Variants in MACROD2 observed in about 807,000 individuals in gnomAD.
The protein encoded by MACROD2 is mono-ADP ribosylhydrolase 2, also known as ADP-ribose glycohydrolase MACROD2.
Under a neutral mutation model 70.4 loss-of-function variants are expected in MACROD2, and 36 were observed. The observed-to-expected ratio is 0.51, with a 90% CI of 0.39 to 0.68. The LOEUF (loss-of-function observed/expected upper bound fraction) is 0.68. Ranked by LOEUF, MACROD2 falls within the 30% of genes least tolerant of loss-of-function variation. The pLI is 0.00. For missense variants in MACROD2, 496 were observed against 538.4 expected (o/e 0.92, Z 0.78); for synonymous variants, 172 against 178.8 (o/e 0.96, Z 0.30).
intron 5 of MACROD2, among the ~76,000 whole-genome samples, chr20:15,091,657 A>G (rs2075794079): frequency 6.6e-6 from 1 of 152,124 alleles, no homozygotes; most frequent in African/African-American, 2.4e-5. Context: ...TTACCACAGT[A>G]GTTGTTTTTG....
chr20:14,569,371 A>G (rs1372649502), intron 4 of MACROD2, among the ~76,000 whole-genome samples: 1 of 152,072 alleles, frequency 6.6e-6, no homozygotes, highest in East Asian at 1.9e-4. Context: ...TGCTTTCACA[A>G]ATACATTGGC....
intron 10 of MACROD2, among the ~76,000 whole-genome samples, chr20:15,894,278 C>A (rs2064936359): frequency 6.6e-6 from 1 of 152,176 alleles, no homozygotes; most frequent in Non-Finnish European, 1.5e-5. Flanking sequence ...GAAGCCAAAG[C>A]TGAAAGAAAG....
chr20:14,810,447 A>G (rs1209662296), intron 5 of MACROD2, among the ~76,000 whole-genome samples: 3 of 152,142 alleles, frequency 2.0e-5, no homozygotes, highest in Non-Finnish European at 4.4e-5. Context: ...TCTCAAAATA[A>G]TAAGAGCTAT....
intron 5 of MACROD2, among the ~76,000 whole-genome samples, chr20:14,826,738 C>A (rs1017604326): frequency 6.6e-6 from 1 of 152,088 alleles, no homozygotes; most frequent in African/African-American, 2.4e-5. Context: ...ATTCACTGTA[C>A]CCTCCAGTCG....
At chr20:15,595,265 T>A (rs2048731581) in intron 8 of MACROD2, among the ~76,000 whole-genome samples, 1 of 152,246 alleles carries the variant, frequency 6.6e-6, no homozygotes, top group South Asian at 2.1e-4. Context: ...ATGGTAAATT[T>A]ATGTTACGTA....
intron 3 of MACROD2, among the ~76,000 whole-genome samples, chr20:14,424,018 T>A (rs1247007263): frequency 1.3e-5 from 2 of 151,992 alleles, no homozygotes; most frequent in African/African-American, 2.4e-5. Context: ...CGCCTCAGCC[T>A]CCCAGACTGC....
intron 7 of MACROD2, among the ~76,000 whole-genome samples, chr20:15,452,297 T>A (rs2146395708): frequency 6.6e-6 from 1 of 152,202 alleles, no homozygotes; most frequent in East Asian, 1.9e-4. Context: ...TTTTAACAAG[T>A]GTGTCACAGC....
intron 8 of MACROD2, among the ~76,000 whole-genome samples, chr20:15,699,863 C>T (rs1408936782): frequency 2.0e-5 from 3 of 152,128 alleles, no homozygotes; most frequent in Admixed American, 1.3e-4. Context: ...GCCATCCTTC[C>T]AATGGATCCT....
intron 8 of MACROD2, among the ~76,000 whole-genome samples, chr20:15,829,087 C>G (rs937462459): frequency 6.6e-6 from 1 of 151,426 alleles, no homozygotes; most frequent in Admixed American, 6.6e-5. Context: ...GTAGATTGTT[C>G]TGGTATTTAT....
At chr20:14,524,582 C>T (rs758983234) in intron 4 of MACROD2, among the ~76,000 whole-genome samples, 1 of 152,098 alleles carries the variant, frequency 6.6e-6, no homozygotes, top group Non-Finnish European at 1.5e-5. Context: ...AAAGGAAGGA[C>T]AGGATAAAGG....
chr20:14,020,906 G>T (rs138774380), intron 2 of MACROD2, among the ~76,000 whole-genome samples: 3 of 151,112 alleles, frequency 2.0e-5, no homozygotes, highest in Admixed American at 2.0e-4. Context: ...ATCTTCTTAG[G>T]TATTTTCTGA....
intron 10 of MACROD2, among the ~76,000 whole-genome samples, chr20:15,918,095 C>T (rs183730349): frequency 1.3e-5 from 2 of 152,254 alleles, no homozygotes; most frequent in Admixed American, 6.5e-5. Context: ...GTATAAACCT[C>T]GTTTTGTAAT....
chr20:15,736,671 C>T (rs1282820601), intron 8 of MACROD2, among the ~76,000 whole-genome samples: 1 of 152,106 alleles, frequency 6.6e-6, no homozygotes, highest in Non-Finnish European at 1.5e-5. Flanking sequence ...ATATAGTTGG[C>T]CCTGTTGTGT....
chr20:15,828,986 C>T (rs2147113832), intron 8 of MACROD2, among the ~76,000 whole-genome samples: 1 of 152,048 alleles, frequency 6.6e-6, no homozygotes, highest in Admixed American at 6.6e-5. Context: ...GGTGTTTCAC[C>T]TGCCTGTTAT....
At chr20:15,006,672 A>G (rs1004107949) in intron 5 of MACROD2, among the ~76,000 whole-genome samples, 2 of 152,192 alleles carry the variant, frequency 1.3e-5, no homozygotes, top group Non-Finnish European at 2.9e-5. Flanking sequence ...TAAACAAAGC[A>G]AAACAAAACT....
At chr20:14,041,964 G>A (rs990971658) in intron 2 of MACROD2, among the ~76,000 whole-genome samples, 2 of 151,956 alleles carry the variant, frequency 1.3e-5, no homozygotes, top group African/African-American at 4.8e-5. Flanking sequence ...AGAACAATCC[G>A]GATTTAAAAA....
chr20:15,571,171 T>C (rs558359010), intron 8 of MACROD2, among the ~76,000 whole-genome samples: 1 of 152,278 alleles, frequency 6.6e-6, no homozygotes, highest in South Asian at 2.1e-4. Context: ...CACTATTTTA[T>C]TTTTAACATG....
chr20:15,560,762 CAAAAAAAAAAAAAA>C lies in MACROD2; in HGVS notation c.645+60931_645+60944del, dbSNP rs71190190. ...TGGGCCACAGGGCATAACAAAGTCTCAAAAAAAAAAAAAAAAAAAAAAAAAAAAAGACTGATCAT... is the reference window on the plus strand; with the variant it reads ...TGGGCCACAGGGCATAACAAAGTCTCAAAAAAAAAAAAAAAGACTGATCAT... On this transcript the variant is annotated intron_variant, in intron 8 of 17. Transcript: ENST00000684519. 8.1e-3 allele frequency among the ~76,000 whole-genome samples: 178 copies of C among 22,098 alleles called. 1 individual carries two copies. Among genetic ancestry groups the C allele is most frequent in the African/African-American group, 0.025 (167 of 6,732 alleles). 14.5% of individuals were successfully genotyped at this position (22,098 alleles called of 152,430 possible). A position where few individuals can be genotyped will look rare whatever the true frequency, so the allele number is the denominator to read the frequency against.
At chr20:14,135,594 T>G (rs1039686028) in intron 3 of MACROD2, among the ~76,000 whole-genome samples, 40 of 152,106 alleles carry the variant, frequency 2.6e-4, no homozygotes, top group Non-Finnish European at 2.2e-4. Context: ...GAAGATCACT[T>G]GAGCCCAGGA....
Sources: gnomAD v4.1 joint callset for allele counts (sites outside exome capture counted in the v4.1 genomes callset) on GRCh38, gnomAD v4.1.1 for gene constraint, MANE v1.5 for transcripts, NCBI Gene and HGNC (gene_info 2026-07-23, HGNC 2026-07-21) for gene names.